The following LRRC8B variants were observed in gnomAD, a reference collection of about 807,000 sequenced individuals.
LRRC8B encodes leucine rich repeat containing 8 VRAC subunit B.
A neutral mutation model predicts 58.8 loss-of-function variants in LRRC8B; 23 were observed. The ratio of observed to expected loss-of-function variants is 0.39; its 90% confidence interval spans 0.28 to 0.55. LRRC8B has a LOEUF of 0.55. LRRC8B is among the 20% of genes least tolerant of loss of function. The probability of loss-of-function intolerance (pLI) is 0.62; values close to 1 mark genes in which losing one functional copy is unlikely to be tolerated. For missense variants in LRRC8B, 694 were observed against 936.0 expected (o/e 0.74, Z 3.37); for synonymous variants, 359 against 374.1 (o/e 0.96, Z 0.47).
intron 1 of LRRC8B, among the ~76,000 whole-genome samples, chr1:89,557,242 A>G (rs915250684): frequency 2.6e-5 from 4 of 152,020 alleles, no homozygotes; most frequent in African/African-American, 9.7e-5. Flanking sequence ...ACTTCACAGT[A>G]GGACCCAAAT....
chr1:89,527,192 G>C (rs1325377189), intron 1 of LRRC8B, among the ~76,000 whole-genome samples: 1 of 152,012 alleles, frequency 6.6e-6, no homozygotes, highest in Non-Finnish European at 1.5e-5. Flanking sequence ...TTTTGTTTTT[G>C]TATTTTAGTT....
intron 1 of LRRC8B, among the ~76,000 whole-genome samples, chr1:89,534,438 T>G (rs913141193): frequency 6.6e-6 from 1 of 152,180 alleles, no homozygotes; most frequent in Non-Finnish European, 1.5e-5. Flanking sequence ...CTCATTTTAT[T>G]CCTCTTCTGT....
At chr1:89,579,447 G>A (rs140879530) in intron 3 of LRRC8B, 144 bp from the exon 4 acceptor site, 2 of 152,750 alleles carry the variant, frequency 1.3e-5, no homozygotes, top group East Asian at 3.9e-4. Context: ...AGAGGCCAAG[G>A]TGGAAGGATT....
At chr1:89,560,535 C>T (rs936600068) in intron 1 of LRRC8B, among the ~76,000 whole-genome samples, 9 of 151,338 alleles carry the variant, frequency 5.9e-5, no homozygotes, top group African/African-American at 2.2e-4. Flanking sequence ...ATCCCTCCCC[C>T]CTTCCCCCAC....
At chr1:89,591,289 CT>C (rs1654957348) in intron 5 of LRRC8B, among the ~76,000 whole-genome samples, 1 of 152,138 alleles carries the variant, frequency 6.6e-6, no homozygotes, top group Non-Finnish European at 1.5e-5. Context: ...TGATTTTTTC[CT>C]TCACTTGGAC....
intron 1 of LRRC8B, among the ~76,000 whole-genome samples, chr1:89,538,032 A>T (rs1006927498): frequency 1.4e-4 from 22 of 152,218 alleles, no homozygotes; most frequent in African/African-American, 5.3e-4. Flanking sequence ...ATTTACACAG[A>T]GTAAAACCTC....
Position 89,592,990 on chromosome 1 carries a change from A to G in LRRC8B, c.2359A>G (p.Thr787Ala). The part of the protein sequence containing the change: ...CLIVEENLLN[T>A]LPLPVTERLQ... ...GATTGTTGAGGAGAACTTGCTCAAT[A>G]CTCTTCCTCTCCCTGTAACAGAACG... Residue 787 changes from threonine (T) to alanine (A), a missense_variant, in exon 6 of 6, where the codon ACT (threonine) becomes GCT (alanine). Physicochemically the swap from Thr to Ala is moderately conservative, Grantham distance 58 (BLOSUM62 0). Around this residue, in one of 5 missense-constraint regions of LRRC8B, gnomAD observed 139 missense variants for 158.2 expected, o/e 0.88. Coordinates refer to ENST00000330947, the MANE Select transcript of LRRC8B (RefSeq NM_001369817.2). The G allele has an allele frequency of 6.2e-7, 1 of 1,613,650 alleles. No homozygotes were observed. Among genetic ancestry groups the G allele is most frequent in the South Asian group, 1.1e-5 (1 of 91,048 alleles).
chr1:89,572,349 T>C lies in LRRC8B; in HGVS notation c.-125+3856T>C, dbSNP rs941133143. 3.9e-5 allele frequency: 6 copies of C among 152,336 alleles called. No homozygotes were observed. In the East Asian group the frequency reaches 1.2e-3, roughly 29 times the overall value. The allele number at this position is 152,336 out of a possible 1,614,324, so 9.4% of individuals were successfully genotyped here. A position where few individuals can be genotyped will look rare whatever the true frequency, so the allele number is the denominator to read the frequency against. ...GGGATGATCTCCTTGTGAAGTATCT[T>C]ACTGAGGTTCTCTGCACTTCCTGAA... On this transcript the variant is annotated intron_variant, in intron 3 of 5. Coordinates refer to ENST00000330947, the MANE Select transcript of LRRC8B (RefSeq NM_001369817.2).
chr1:89,550,868 C>T (rs1293958972), intron 1 of LRRC8B, among the ~76,000 whole-genome samples: 1 of 152,138 alleles, frequency 6.6e-6, no homozygotes, highest in African/African-American at 2.4e-5. Flanking sequence ...ACCTTCATTT[C>T]CCCCGGCCCC....
intron 5 of LRRC8B, among the ~76,000 whole-genome samples, chr1:89,591,890 G>A (rs1329054361): frequency 6.6e-6 from 1 of 152,160 alleles, no homozygotes; most frequent in Non-Finnish European, 1.5e-5. Flanking sequence ...ATTATGGGGG[G>A]TAGGGAGCGG....
chr1:89,578,627 A>G (rs1654017955), intron 3 of LRRC8B, among the ~76,000 whole-genome samples: 1 of 152,312 alleles, frequency 6.6e-6, no homozygotes, highest in East Asian at 1.9e-4. Context: ...TTGAAATGAC[A>G]AGCTTAAAAG....
chr1:89,545,933 C>G (rs570433856), intron 1 of LRRC8B, among the ~76,000 whole-genome samples: 4 of 152,192 alleles, frequency 2.6e-5, no homozygotes, highest in East Asian at 3.9e-4. Context: ...AACGATACAT[C>G]CAGGATTTGC....
At chr1:89,571,466 A>G (rs113652851) in intron 3 of LRRC8B, among the ~76,000 whole-genome samples, 2,610 of 152,208 alleles carry the variant, frequency 0.017, 83 homozygotes, top group African/African-American at 0.058. Context: ...CCAGTTGTAA[A>G]TGGGAGTTTG....
chr1:89,542,830 C>G (rs538388471), intron 1 of LRRC8B, among the ~76,000 whole-genome samples: 28 of 152,300 alleles, frequency 1.8e-4, no homozygotes, highest in Non-Finnish European at 3.4e-4. Context: ...GCATATTCAA[C>G]TACTTCAACC....
chr1:89,540,034 T>A (rs1345350085), intron 1 of LRRC8B, among the ~76,000 whole-genome samples: 1 of 152,216 alleles, frequency 6.6e-6, no homozygotes, highest in Non-Finnish European at 1.5e-5. Flanking sequence ...TCTACATGCA[T>A]GTCTATTATT....
At chr1:89,552,320 C>T (rs553037420) in intron 1 of LRRC8B, among the ~76,000 whole-genome samples, 1 of 152,036 alleles carries the variant, frequency 6.6e-6, no homozygotes, top group Non-Finnish European at 1.5e-5. Flanking sequence ...TCTCCCACAC[C>T]CAATCTCCTT....
In LRRC8B at chr1:89,583,437, A is replaced by G; in HGVS notation, c.787A>G (p.Ile263Val). ...IIYRVYLKQI[I>V]VKVILFVLII... is the part of the protein sequence containing the mutation. ...TTATAGAGTATATCTGAAACAGATA[A>G]TAGTCAAAGTCATTTTGTTTGTGCT... The change falls in exon 5 of 6, where the codon ATA (isoleucine) becomes GTA (valine). Residue 263 changes from isoleucine (I) to valine (V), a missense_variant. Transcript: ENST00000330947. This position sits in a 1 kb window ranked among gnomAD's most constrained non-coding sequence, Gnocchi z 5.2. 2 of 1,614,170 alleles carry G rather than the reference A, an allele frequency of 1.2e-6. No individual in the cohort carries two copies. Among genetic ancestry groups the G allele is most frequent in the Non-Finnish European group, 1.7e-6 (2 of 1,180,026 alleles).
In LRRC8B at chr1:89,593,246, G is replaced by A. The variant is rs570157343; in HGVS notation, c.*203G>A. On this transcript the variant is annotated 3_prime_UTR_variant, in exon 6 of 6. Coordinates refer to ENST00000330947, the MANE Select transcript of LRRC8B (RefSeq NM_001369817.2). The stretch of plus-strand genomic sequence containing the variant: ...AAAAAAATTAGCCAGGCGTGGTGGC[G>A]TGCGCCTGTAATCCCAGCTACTTGG... The A allele has an allele frequency of 1.8e-4, 94 of 520,298 alleles. No homozygotes were observed. The highest frequency in any genetic ancestry group is 1.5e-3 in the African/African-American group (78 of 52,420). 32.2% of individuals were successfully genotyped at this position (520,298 alleles called of 1,614,324 possible).
At chr1:89,560,939 C>T (rs1217506459) in intron 1 of LRRC8B, among the ~76,000 whole-genome samples, 1 of 151,886 alleles carries the variant, frequency 6.6e-6, no homozygotes, top group Non-Finnish European at 1.5e-5. Context: ...AATTCTAGTT[C>T]TAGATCCCTG....
Sources: allele counts gnomAD v4.1 joint callset (sites outside exome capture counted in the v4.1 genomes callset), GRCh38; gene constraint gnomAD v4.1.1; regional missense constraint gnomAD v4.1.1; non-coding constraint Gnocchi (gnomAD v3.1); transcripts MANE v1.5; gene names NCBI Gene and HGNC (gene_info 2026-07-23, HGNC 2026-07-21).